Variants in RSRP1 observed in about 807,000 individuals in gnomAD.
RSRP1 encodes arginine and serine rich protein 1, also known as arginine/serine-rich protein 1.
In RSRP1, 37 loss-of-function variants were observed where a neutral mutation model predicts 33.0. That is an observed-to-expected ratio of 1.12 (90% CI 0.86 to 1.48). RSRP1 has a LOEUF of 1.48. Among genes scored for constraint, RSRP1 ranks in the 40% most tolerant of loss-of-function variants. The pLI, the probability that RSRP1 is intolerant of heterozygous loss-of-function variation, is 0.00. For synonymous variants in RSRP1, 167 were observed against 158.7 expected, an observed-to-expected ratio of 1.05 and a Z score of -0.40; for missense variants, 402 against 385.3, an observed-to-expected ratio of 1.04 and a Z score of -0.36.
At position 25,296,200 on chromosome 1, in the gene RSRP1, C is replaced by T. The variant is rs1642941048; in HGVS notation, c.-67+41778G>A. Among the ~76,000 whole-genome samples the T allele has an allele frequency of 1.6e-5, 2 of 121,948 alleles. 1 individual carries two copies. The highest frequency in any genetic ancestry group is 3.8e-5 in the Non-Finnish European group (2 of 52,072). 80.0% of individuals were successfully genotyped at this position (121,948 alleles called of 152,430 possible). ...TTTATTAATTTTTGGTTGTCTTCAT[C>T]TGTGTATGTGACTTTAACCCCTAAA... On this transcript the variant is annotated intron_variant, in intron 1 of 1. Coordinates refer to the RSRP1 transcript ENST00000561867.
rs60661839 is a variant in RSRP1, at chr1:25,318,593, A to T, written c.-67+19385T>A. 1.5e-5 allele frequency among the ~76,000 whole-genome samples: 2 copies of T among 131,600 alleles called. 1 individual carries two copies. The highest frequency in any genetic ancestry group is 3.6e-5 in the Non-Finnish European group (2 of 55,720). 86.3% of individuals were successfully genotyped at this position (131,600 alleles called of 152,430 possible). ...ACAGAGTGAGACTGTCTCAAAAAAAAAAGAAAGAAAATATACATTCCATCC... is the reference window on the plus strand; with the variant it reads ...ACAGAGTGAGACTGTCTCAAAAAAATAAGAAAGAAAATATACATTCCATCC... On this transcript the variant is annotated intron_variant, in intron 1 of 1. Coordinates refer to the RSRP1 transcript ENST00000561867.
chr1:25,262,976 C>T lies in RSRP1; in HGVS notation c.-66-15947G>A, dbSNP rs187129406. Among the ~76,000 whole-genome samples the T allele has an allele frequency of 5.3e-5, 8 of 152,204 alleles. No homozygotes were observed. The East Asian group carries it at 1.3e-3, about 26-fold the overall frequency. On this transcript the variant is annotated intron_variant, in intron 1 of 1. Coordinates refer to the RSRP1 transcript ENST00000561867. ...ATTCTTTAATCCAGTCAAGCTGACA[C>T]CTAAAATTAACCATCACAAAAGTTA...
rs1160800848 is a variant in RSRP1, at chr1:25,306,662, G to A, written c.-67+31316C>T. On this transcript the variant is annotated intron_variant, in intron 1 of 1. Transcript: ENST00000561867. ...CATGGGCTACAACTTCAGCTTGCTG[G>A]GTCTGCTTGGAGAGATCATCTACAT... 2.9e-6 allele frequency: 4 copies of A among 1,378,392 alleles called. 1 individual carries two copies. Among genetic ancestry groups the A allele is most frequent in the Non-Finnish European group, 4.1e-6 (4 of 979,046 alleles). 85.4% of individuals were successfully genotyped at this position (1,378,392 alleles called of 1,614,324 possible). A position where few individuals can be genotyped will look rare whatever the true frequency, so the allele number is the denominator to read the frequency against.
chr1:25,318,616 T>C (rs1312678946), intron 1 of RSRP1, among the ~76,000 whole-genome samples: 1 of 131,876 alleles, frequency 7.6e-6, no homozygotes, highest in African/African-American at 2.6e-5. Flanking sequence ...ATACATTCCA[T>C]CCAGAACTGT....
chr1:25,289,850 T>C lies in RSRP1; in HGVS notation c.-66-42821A>G, dbSNP rs575475120. On this transcript the variant is annotated intron_variant, in intron 1 of 1. Coordinates refer to the RSRP1 transcript ENST00000561867. ...TTTTTTTTTTTTTGGATCATAAGTATCTTCAAGACCAAAATAATTTTCTAC... is the reference window on the plus strand; with the variant it reads ...TTTTTTTTTTTTTGGATCATAAGTACCTTCAAGACCAAAATAATTTTCTAC... 3.7e-4 allele frequency among the ~76,000 whole-genome samples: 48 copies of C among 128,062 alleles called. 8 individuals carry two copies. The highest frequency in any genetic ancestry group is 7.3e-4 in the Non-Finnish European group (40 of 54,626). The allele number at this position is 128,062 out of a possible 152,430, so 84.0% of individuals were successfully genotyped here.
Position 25,263,783 on chromosome 1 carries a change from T to G in RSRP1, c.-66-16754A>C, listed in dbSNP as rs572446673. On this transcript the variant is annotated intron_variant, in intron 1 of 1. Transcript: ENST00000561867. Reference sequence around the variant, plus strand: ...AAAGTCCACAGTCTAATGTCTCATCTGAGACAAGGCAAGTCCTTTCCATTT... The same window carrying G: ...AAAGTCCACAGTCTAATGTCTCATCGGAGACAAGGCAAGTCCTTTCCATTT... 1.8e-3 allele frequency among the ~76,000 whole-genome samples: 276 copies of G among 152,208 alleles called. 1 individual carries two copies. Among genetic ancestry groups the G allele is most frequent in the South Asian group, 7.2e-3 (35 of 4,828 alleles).
rs1181911058 is a variant in RSRP1 at position 25,302,009 on chromosome 1, G to A, written c.-67+35969C>T. On this transcript the variant is annotated intron_variant, in intron 1 of 1. Transcript: ENST00000561867. ...CCATGAGCGAGAGTCAGCAGCAACAGACTAGACTAGAATTAGCCAGCCTCT... is the reference window on the plus strand; with the variant it reads ...CCATGAGCGAGAGTCAGCAGCAACAAACTAGACTAGAATTAGCCAGCCTCT... 2.3e-5 allele frequency among the ~76,000 whole-genome samples: 3 copies of A among 130,732 alleles called. 1 individual carries two copies. The highest frequency in any genetic ancestry group is 5.5e-5 in the Non-Finnish European group (3 of 54,990). 85.8% of individuals were successfully genotyped at this position (130,732 alleles called of 152,430 possible).
intron 1 of RSRP1, chr1:25,300,894 GC>G: frequency 7.3e-7 from 1 of 1,364,658 alleles, no homozygotes; most frequent in Non-Finnish European, 1.0e-6. Context: ...ATCAGGGCTT[GC>G]CCCGGGCAGA....
In RSRP1 at chr1:25,243,642, G is replaced by A; in HGVS notation, c.673-9C>T. The A allele has an allele frequency of 1.2e-6, 2 of 1,612,772 alleles. No individual in the cohort carries two copies. Among genetic ancestry groups the A allele is most frequent in the Admixed American group, 1.7e-5 (1 of 59,870 alleles). Reference sequence around the variant, plus strand: ...GTTACCTTTTCCGACAGCTAGACAGGTTAAGAAAAAGTGTAATTTTAAAAC... The same window carrying A: ...GTTACCTTTTCCGACAGCTAGACAGATTAAGAAAAAGTGTAATTTTAAAAC... On this transcript the variant is annotated splice_polypyrimidine_tract_variant and intron_variant, in intron 3 of 4. Transcript: ENST00000243189.
At chr1:25,307,160 T>G (rs1383781824) in intron 1 of RSRP1, among the ~76,000 whole-genome samples, 1 of 132,476 alleles carries the variant, frequency 7.5e-6, no homozygotes, top group African/African-American at 2.6e-5. Context: ...CTATCTCCCC[T>G]CACAGGACTG....
At chr1:25,301,082 C>T in intron 1 of RSRP1, 1 of 1,376,402 alleles carries the variant, frequency 7.3e-7, no homozygotes, top group South Asian at 1.2e-5. Flanking sequence ...CCCAGTTTGT[C>T]TGCCATGCTG....
chr1:25,271,632 G>A (rs149225832), intron 1 of RSRP1, among the ~76,000 whole-genome samples: 1,694 of 132,214 alleles, frequency 0.013, 271 homozygotes, highest in African/African-American at 0.039. Context: ...CTTCTGCCAG[G>A]CACATGGATG....
chr1:25,275,434 T>C (rs114071009), intron 1 of RSRP1, among the ~76,000 whole-genome samples: 1,436 of 132,132 alleles, frequency 0.011, 215 homozygotes, highest in African/African-American at 0.035. Context: ...GAGGAAGCCA[T>C]GCCAGGGCTG....
rs627585 is a variant in RSRP1, at chr1:25,304,949, G to C, written c.-67+33029C>G. 3.0e-4 allele frequency: 39 copies of C among 131,894 alleles called. 7 individuals are homozygous for C. The highest frequency in any genetic ancestry group is 8.1e-4 in the African/African-American group (31 of 38,294). 8.2% of individuals were successfully genotyped at this position (131,894 alleles called of 1,614,324 possible). A position where few individuals can be genotyped will look rare whatever the true frequency, so the allele number is the denominator to read the frequency against. On this transcript the variant is annotated intron_variant, in intron 1 of 1. Coordinates refer to the RSRP1 transcript ENST00000561867. ...TGGCAGGACTATTCAAAAATGATTC[G>C]CTCATTCATTCATATATTCATTCAT...
chr1:25,262,427 G>A (rs1640186487), intron 1 of RSRP1, among the ~76,000 whole-genome samples: 1 of 152,180 alleles, frequency 6.6e-6, no homozygotes, highest in Non-Finnish European at 1.5e-5. Flanking sequence ...ATCAGGTAGG[G>A]ATAAATACTT....
chr1:25,309,386 A>G (rs2124700648), intron 1 of RSRP1, among the ~76,000 whole-genome samples: 1 of 130,014 alleles, frequency 7.7e-6, no homozygotes, highest in Non-Finnish European at 1.8e-5. Flanking sequence ...CTTGTTAACC[A>G]CTCTTTTGAA....
At chr1:25,310,372 CTCACTGTGTGATGACT>C (rs1211166681) in intron 1 of RSRP1, among the ~76,000 whole-genome samples, 8 of 133,126 alleles carry the variant, frequency 6.0e-5, no homozygotes, top group African/African-American at 2.0e-4. Flanking sequence ...CTCTTGCCCT[CTCACTGTGTGATGACT>C]TCTCCATGTC....
rs567108013 is a variant in RSRP1, at chr1:25,299,244, C to T, written c.-67+38734G>A. Among the ~76,000 whole-genome samples the T allele has an allele frequency of 1.6e-5, 2 of 128,552 alleles. 1 individual carries two copies. The allele number at this position is 128,552 out of a possible 152,430, so 84.3% of individuals were successfully genotyped here. A position where few individuals can be genotyped will look rare whatever the true frequency, so the allele number is the denominator to read the frequency against. Reference sequence around the variant, plus strand: ...TAAAAATACAAAAATTAGCCGGGCACGGTGGTGGGTGCCTGTAATCCCAGC... The same window carrying T: ...TAAAAATACAAAAATTAGCCGGGCATGGTGGTGGGTGCCTGTAATCCCAGC... On this transcript the variant is annotated intron_variant, in intron 1 of 1. Coordinates refer to the RSRP1 transcript ENST00000561867.
chr1:25,299,248 G>A (rs1643192666), intron 1 of RSRP1, among the ~76,000 whole-genome samples: 1 of 129,090 alleles, frequency 7.7e-6, no homozygotes, highest in Admixed American at 7.5e-5. Context: ...CGGGCACGGT[G>A]GTGGGTGCCT....
Sources: allele counts gnomAD v4.1 joint callset (sites outside exome capture counted in the v4.1 genomes callset), GRCh38; gene constraint gnomAD v4.1.1; transcripts MANE v1.5; gene names NCBI Gene and HGNC (gene_info 2026-07-23, HGNC 2026-07-21).